Variants in NALF1 observed in about 807,000 individuals in gnomAD.
The protein encoded by NALF1 is NALCN channel auxiliary factor 1.
NALF1 carries 3 observed loss-of-function variants against 48.4 expected under a neutral mutation model. That is an observed-to-expected ratio of 0.06 (90% CI 0.03 to 0.16). NALF1 has a LOEUF of 0.16. Among genes scored for constraint, NALF1 ranks in the 10% least tolerant of loss-of-function variants. NALF1 has a pLI of 1.00. For synonymous variants in NALF1, 262 were observed against 245.7 expected (o/e 1.07, Z -0.62); for missense variants, 526 against 571.5 (o/e 0.92, Z 0.81).
rs148353627 is a variant in NALF1, at chr13:107,548,909, T to C, written c.915+316773A>G. Among the ~76,000 whole-genome samples the C allele has an allele frequency of 3.2e-3, 484 of 152,272 alleles. 6 individuals carry two copies. The highest frequency in any genetic ancestry group is 0.019 in the South Asian group (92 of 4,830). On this transcript the variant is annotated intron_variant, in intron 1 of 2. Transcript: ENST00000375915. ...CATATTTTGGGAATCCAAATATAAG[T>C]ATTATGCAGTTTCTGGGTGAGAAAT...
At chr13:107,548,062 T>C (rs753292481) in intron 1 of NALF1, among the ~76,000 whole-genome samples, 1 of 152,080 alleles carries the variant, frequency 6.6e-6, no homozygotes. Flanking sequence ...GTACAGATTA[T>C]TTCATCACCC....
chr13:107,256,184 T>A (rs11842227), intron 1 of NALF1, among the ~76,000 whole-genome samples: 20,001 of 152,166 alleles, frequency 0.13, 1,691 homozygotes, highest in African/African-American at 0.23. Context: ...AATATGTAAA[T>A]CACATTGCTT....
At chr13:107,639,762 G>A (rs760079502) in intron 1 of NALF1, among the ~76,000 whole-genome samples, 13 of 152,138 alleles carry the variant, frequency 8.5e-5, no homozygotes, top group Admixed American at 3.3e-4. Flanking sequence ...CTCAAGTAAA[G>A]AGGGTCATGT....
chr13:107,549,162 T>C (rs537342138), intron 1 of NALF1, among the ~76,000 whole-genome samples: 15 of 152,306 alleles, frequency 9.8e-5, no homozygotes, highest in Admixed American at 3.3e-4. Flanking sequence ...GAAGCTTAAT[T>C]ACCTTTGAGC....
At chr13:107,797,436 C>T (rs1247242214) in intron 1 of NALF1, among the ~76,000 whole-genome samples, 1 of 152,152 alleles carries the variant, frequency 6.6e-6, no homozygotes, top group African/African-American at 2.4e-5. Flanking sequence ...GTCTCGATCT[C>T]CTGACCTCAT....
chr13:107,343,487 T>C (rs895616950), intron 1 of NALF1, among the ~76,000 whole-genome samples: 4 of 149,902 alleles, frequency 2.7e-5, no homozygotes, highest in Non-Finnish European at 5.9e-5. Context: ...GCACAAATTC[T>C]CTCTCTTTTC....
chr13:107,398,282 G>A (rs1460389342), intron 1 of NALF1, among the ~76,000 whole-genome samples: 1 of 151,516 alleles, frequency 6.6e-6, no homozygotes, highest in Non-Finnish European at 1.5e-5. Context: ...GTTTCTCCCA[G>A]TGTTACAATG....
intron 1 of NALF1, among the ~76,000 whole-genome samples, chr13:107,519,472 G>A (rs1296313382): frequency 6.6e-6 from 1 of 152,106 alleles, no homozygotes; most frequent in Non-Finnish European, 1.5e-5. Context: ...TAAGAATGGT[G>A]TTCATGCCCC....
At chr13:107,564,046 C>T (rs1294615388) in intron 1 of NALF1, among the ~76,000 whole-genome samples, 5 of 152,146 alleles carry the variant, frequency 3.3e-5, no homozygotes, top group African/African-American at 1.2e-4. Context: ...ATTTTCCAAA[C>T]TTTCATGGTT....
chr13:107,525,784 C>T lies in NALF1; in HGVS notation c.916-315029G>A, dbSNP rs183248025. On this transcript the variant is annotated intron_variant, in intron 1 of 2. Coordinates refer to ENST00000375915, the MANE Select transcript of NALF1 (RefSeq NM_001080396.3). ...CTAATGCTCTGCACATTTACCAGCC[C>T]TTGGTATTGTCTATATTTAAGTGTC... 3.3e-3 allele frequency among the ~76,000 whole-genome samples: 499 copies of T among 152,106 alleles called. 3 individuals carry two copies. The highest frequency in any genetic ancestry group is 0.011 in the African/African-American group (474 of 41,504).
intron 1 of NALF1, among the ~76,000 whole-genome samples, chr13:107,557,491 G>C (rs1256465323): frequency 6.6e-6 from 1 of 151,918 alleles, no homozygotes; most frequent in South Asian, 2.1e-4. Context: ...TAGTAGGTTT[G>C]GCCTACTAAC....
intron 1 of NALF1, among the ~76,000 whole-genome samples, chr13:107,422,542 T>G (rs898723246): frequency 2.0e-5 from 3 of 152,132 alleles, no homozygotes; most frequent in African/African-American, 4.8e-5. Flanking sequence ...GGTCGGTTAT[T>G]TTTACAACTT....
Position 107,607,030 on chromosome 13 carries a change from T to C in NALF1, c.915+258652A>G, listed in dbSNP as rs556834982. Among the ~76,000 whole-genome samples, 4 of 152,332 alleles carry C rather than the reference T, an allele frequency of 2.6e-5. No homozygotes were observed. The South Asian group carries it at 8.3e-4, about 32-fold the overall frequency. On this transcript the variant is annotated intron_variant, in intron 1 of 2. Coordinates refer to ENST00000375915, the MANE Select transcript of NALF1 (RefSeq NM_001080396.3). ...TGAAGGCAGATTCTTATTATATTTATACATTGGTGCAAAAGTATTTGTGGT... is the reference window on the plus strand; with the variant it reads ...TGAAGGCAGATTCTTATTATATTTACACATTGGTGCAAAAGTATTTGTGGT...
chr13:107,830,137 T>C (rs1879670502), intron 1 of NALF1, among the ~76,000 whole-genome samples: 2 of 152,148 alleles, frequency 1.3e-5, no homozygotes, highest in Admixed American at 6.6e-5. Context: ...CATTTCCCTT[T>C]CTACCGCCTC....
rs75976796 is a variant in NALF1, at chr13:107,602,952, G to A, written c.915+262730C>T. 2.8e-4 allele frequency among the ~76,000 whole-genome samples: 42 copies of A among 152,236 alleles called. No individual in the cohort carries two copies. The East Asian group carries it at 7.9e-3, about 29-fold the overall frequency. Reference sequence around the variant, plus strand: ...CTTCTGCATGAAGAAGGCCTAGTTAGTGGAAAAACGGACAGGGCAATTTCG... The same window carrying A: ...CTTCTGCATGAAGAAGGCCTAGTTAATGGAAAAACGGACAGGGCAATTTCG... On this transcript the variant is annotated intron_variant, in intron 1 of 2. Transcript: ENST00000375915.
At chr13:107,692,505 T>A (rs1484437338) in intron 1 of NALF1, among the ~76,000 whole-genome samples, 1 of 152,296 alleles carries the variant, frequency 6.6e-6, no homozygotes, top group African/African-American at 2.4e-5. Context: ...ATTATGCCAA[T>A]CTGGCCCAGC....
chr13:107,339,235 T>C (rs1594127124), intron 1 of NALF1, among the ~76,000 whole-genome samples: 1 of 151,970 alleles, frequency 6.6e-6, no homozygotes, highest in Middle Eastern at 3.4e-3. Context: ...AAAACCTTTA[T>C]CTTCTTCTTA....
chr13:107,299,316 A>G (rs944330296), intron 1 of NALF1, among the ~76,000 whole-genome samples: 1 of 151,976 alleles, frequency 6.6e-6, no homozygotes, highest in Non-Finnish European at 1.5e-5. Context: ...CTGTAATCCT[A>G]GCTATTCGGG....
intron 1 of NALF1, among the ~76,000 whole-genome samples, chr13:107,481,994 G>A (rs1885261562): frequency 6.6e-6 from 1 of 152,056 alleles, no homozygotes; most frequent in African/African-American, 2.4e-5. Context: ...TTAAGTTTAT[G>A]TGTCAACTTG....
Sources: gnomAD v4.1 joint callset for allele counts (sites outside exome capture counted in the v4.1 genomes callset) on GRCh38, gnomAD v4.1.1 for gene constraint, MANE v1.5 for transcripts, NCBI Gene and HGNC (gene_info 2026-07-23, HGNC 2026-07-21) for gene names.